COL9A1: variants seen among roughly 807,000 people sequenced by gnomAD.
The protein encoded by COL9A1 is collagen alpha-1(IX) chain.
Under a neutral mutation model 142.6 loss-of-function variants are expected in COL9A1, and 104 were observed. The observed-to-expected ratio is 0.73, with a 90% CI of 0.62 to 0.86. COL9A1 has a LOEUF of 0.86. COL9A1 is among the 40% of genes least tolerant of loss of function. The pLI, the probability that COL9A1 is intolerant of heterozygous loss-of-function variation, is 0.00. For missense variants in COL9A1, 1,210 were observed against 1,176.6 expected, an observed-to-expected ratio of 1.03 and a Z score of -0.42; for synonymous variants, 466 against 396.0, an observed-to-expected ratio of 1.18 and a Z score of -2.10.
At chr6:70,237,121 C>A (rs939017857) in intron 33 of COL9A1, among the ~76,000 whole-genome samples, 13 of 152,138 alleles carry the variant, frequency 8.5e-5, no homozygotes, top group African/African-American at 2.9e-4. Context: ...CCTTGCCCTG[C>A]CAACAACTTC....
At chr6:70,235,726 T>C (rs571176966) in intron 33 of COL9A1, among the ~76,000 whole-genome samples, 1 of 152,060 alleles carries the variant, frequency 6.6e-6, no homozygotes, top group East Asian at 1.9e-4. Context: ...CTTACAACTT[T>C]TTTTTTTAGA....
intron 19 of COL9A1, 42 bp from the exon 20 acceptor site, chr6:70,260,752 CAA>C (rs1771627042): frequency 6.2e-7 from 1 of 1,600,632 alleles, no homozygotes; most frequent in Non-Finnish European, 8.5e-7. Context: ...TTAGTTGAAG[CAA>C]AGATTTTTAA....
Position 70,283,861 on chromosome 6 carries a change from C to T in COL9A1, c.697-41G>A, listed in dbSNP as rs199804393. The T allele has an allele frequency of 7.7e-6, 11 of 1,419,904 alleles. No homozygotes were observed. In the East Asian group the frequency reaches 2.1e-4, roughly 27 times the overall value. 88.0% of individuals were successfully genotyped at this position (1,419,904 alleles called of 1,614,324 possible). ...AGACAGTCAGGTAAGGTTTTTTGGACGACTGAAGCTGGTCATTCAAGAGAG... is the reference window on the plus strand; with the variant it reads ...AGACAGTCAGGTAAGGTTTTTTGGATGACTGAAGCTGGTCATTCAAGAGAG... On this transcript the variant is annotated intron_variant, in intron 5 of 37. Coordinates refer to ENST00000357250, the MANE Select transcript of COL9A1 (RefSeq NM_001851.6).
chr6:70,271,235 C>G (rs1207987201), intron 14 of COL9A1, among the ~76,000 whole-genome samples: 1 of 152,002 alleles, frequency 6.6e-6, no homozygotes, highest in Admixed American at 6.6e-5. Flanking sequence ...TTTATGAAGC[C>G]CAGCTCTTTA....
At chr6:70,244,646 C>A (rs978459059) in intron 28 of COL9A1, among the ~76,000 whole-genome samples, 1 of 152,160 alleles carries the variant, frequency 6.6e-6, no homozygotes, top group African/African-American at 2.4e-5. Context: ...AACCATTATG[C>A]TATCTTATCC....
intron 35 of COL9A1, among the ~76,000 whole-genome samples, chr6:70,234,119 T>C (rs1166969977): frequency 6.6e-6 from 1 of 152,198 alleles, no homozygotes; most frequent in African/African-American, 2.4e-5. Context: ...GCATGGAGTC[T>C]GTCATTTACT....
At position 70,302,090 on chromosome 6, in the gene COL9A1, G is replaced by A; in HGVS notation, c.15-16C>T. 6.3e-7 allele frequency: 1 copy of A among 1,589,090 alleles called. No individual in the cohort carries two copies. The highest frequency in any genetic ancestry group is 8.6e-7 in the Non-Finnish European group (1 of 1,162,546). ...TGGAATTTTCCTGAAGAAGAGAGAA[G>A]AAAAATGACTGAAACAGGAGTCCCC... is the stretch of plus-strand genomic sequence containing the variant. On this transcript the variant is annotated splice_polypyrimidine_tract_variant and intron_variant, in intron 1 of 37. Coordinates refer to ENST00000357250, the MANE Select transcript of COL9A1 (RefSeq NM_001851.6).
chr6:70,281,706 G>A (rs964569673), intron 7 of COL9A1, among the ~76,000 whole-genome samples: 8 of 152,284 alleles, frequency 5.3e-5, no homozygotes, highest in Non-Finnish European at 1.0e-4. Context: ...GTTGGGGGAG[G>A]CTTCACTGGT....
In COL9A1 at chr6:70,286,795, T is replaced by A. The variant is rs539423776; in HGVS notation, c.697-2975A>T. ...GCTGTTCCAGACATAGTGCTAGGGA[T>A]GTAGGCAGCACTCATATTTAACGCA... On this transcript the variant is annotated intron_variant, in intron 5 of 37. Transcript: ENST00000357250. Among the ~76,000 whole-genome samples the A allele has an allele frequency of 6.6e-5, 10 of 152,296 alleles. No homozygotes were observed. In the East Asian group the frequency reaches 1.7e-3, roughly 26 times the overall value.
At chr6:70,230,010 A>C (rs761020212) in intron 36 of COL9A1, among the ~76,000 whole-genome samples, 4 of 152,174 alleles carry the variant, frequency 2.6e-5, no homozygotes, top group Non-Finnish European at 5.9e-5. Flanking sequence ...TCTCTGGAAA[A>C]AGGCTCTCAA....
Position 70,278,919 on chromosome 6 carries a change from G to A in COL9A1, c.975+1893C>T, listed in dbSNP as rs556381464. 3.3e-5 allele frequency among the ~76,000 whole-genome samples: 5 copies of A among 152,296 alleles called. No individual in the cohort carries two copies. The South Asian group carries it at 1.0e-3, about 32-fold the overall frequency. On this transcript the variant is annotated intron_variant, in intron 10 of 37. Transcript: ENST00000357250. ...TAAGGTAAAGAGAAGAATTTGTTGA[G>A]TAAGCTACAAAAGCACTATTAAATT...
intron 25 of COL9A1, among the ~76,000 whole-genome samples, chr6:70,254,100 G>A (rs958072278): frequency 1.3e-5 from 2 of 152,148 alleles, no homozygotes; most frequent in African/African-American, 4.8e-5. Context: ...GGTCACCTGA[G>A]TATACTCTCA....
At chr6:70,280,355 A>G in intron 10 of COL9A1, 1 of 1,176,474 alleles carries the variant, frequency 8.5e-7, no homozygotes, top group Admixed American at 4.2e-5. Context: ...CCCTTTGCCT[A>G]CCTGCAGGAT....
chr6:70,273,881 CT>C (rs1309784570), intron 12 of COL9A1, 165 bp downstream of exon 12: 4 of 312,714 alleles, frequency 1.3e-5, no homozygotes, highest in African/African-American at 9.0e-5. Context: ...ATGTCATCAA[CT>C]TATTTCTCAT....
intron 28 of COL9A1, chr6:70,245,526 T>C (rs370952650): frequency 9.1e-6 from 1 of 109,436 alleles, no homozygotes; most frequent in African/African-American, 2.9e-5. Context: ...TTCTCAGATA[T>C]GGGCAAGAGA....
intron 15 of COL9A1, among the ~76,000 whole-genome samples, 168 bp from the exon 16 acceptor site, chr6:70,269,833 T>C (rs539197757): frequency 3.3e-5 from 5 of 152,334 alleles, no homozygotes; most frequent in African/African-American, 1.2e-4. Context: ...GGGCATGTTC[T>C]CTTTGGAGAG....
rs141825151 is a variant in COL9A1 at position 70,241,442 on chromosome 6, C to G, written c.2011G>C (p.Glu671Gln). Reference protein sequence around the residue: ...GMKGDRGVVGEPGPKGEQGAS... With the variant: ...GMKGDRGVVGQPGPKGEQGAS... Reference sequence around the variant, plus strand: ...ACCTGTTCACCCTTTGGACCCGGTTCACCGACTACACCCTGTAATAAATAA... The same window carrying G: ...ACCTGTTCACCCTTTGGACCCGGTTGACCGACTACACCCTGTAATAAATAA... Residue 671 changes from glutamate (E) to glutamine (Q), a missense_variant, in exon 31 of 38, where the codon GAA (glutamate) becomes CAA (glutamine). Transcript: ENST00000357250. 2.5e-6 allele frequency: 4 copies of G among 1,610,184 alleles called. No homozygotes were observed. The South Asian group carries it at 4.4e-5, about 18-fold the overall frequency.
At chr6:70,259,172 G>A (rs528730805) in intron 20 of COL9A1, among the ~76,000 whole-genome samples, 1 of 152,160 alleles carries the variant, frequency 6.6e-6, no homozygotes, top group African/African-American at 2.4e-5. Context: ...TGATAAATAA[G>A]CTTCATCCTT....
At chr6:70,274,225 G>T in intron 11 of COL9A1, 143 bp from the exon 12 acceptor site, 1 of 553,010 alleles carries the variant, frequency 1.8e-6, no homozygotes, top group Non-Finnish European at 3.1e-6. Flanking sequence ...TTTAAGTTCA[G>T]GGGTACATGT....
Sources: allele counts gnomAD v4.1 joint callset (sites outside exome capture counted in the v4.1 genomes callset), GRCh38; gene constraint gnomAD v4.1.1; transcripts MANE v1.5; gene names NCBI Gene and HGNC (gene_info 2026-07-23, HGNC 2026-07-21).